ABCF3: variants seen among roughly 807,000 people sequenced by gnomAD.
The protein encoded by ABCF3 is ATP-binding cassette sub-family F member 3.
In ABCF3, 62 loss-of-function variants were observed where a neutral mutation model predicts 94.3. The observed-to-expected ratio is 0.66, with a 90% CI of 0.54 to 0.81. The LOEUF is 0.81. ABCF3 is among the 40% of genes least tolerant of loss of function. The pLI is 0.00. For synonymous variants in ABCF3, 355 were observed against 361.1 expected, an observed-to-expected ratio of 0.98 and a Z score of 0.19; for missense variants, 843 against 925.3, an observed-to-expected ratio of 0.91 and a Z score of 1.15.
chr3:184,192,324 A>G (rs1458020523), intron 16 of ABCF3, among the ~76,000 whole-genome samples: 1 of 152,154 alleles, frequency 6.6e-6, no homozygotes, highest in Non-Finnish European at 1.5e-5. Context: ...TGTACAGTCT[A>G]TCATTGTGAA....
rs1716193319 is a variant in ABCF3, at chr3:184,193,919, AC to A, written c.*224del. The A allele has an allele frequency of 3.4e-6, 2 of 583,214 alleles. No individual in the cohort carries two copies. The highest frequency in any genetic ancestry group is 3.8e-5 in the African/African-American group (2 of 53,332). 36.1% of individuals were successfully genotyped at this position (583,214 alleles called of 1,614,324 possible). A position where few individuals can be genotyped will look rare whatever the true frequency, so the allele number is the denominator to read the frequency against. On this transcript the variant is annotated 3_prime_UTR_variant, in exon 21 of 21. Coordinates refer to ENST00000429586, the MANE Select transcript of ABCF3 (RefSeq NM_018358.3). The surrounding 1 kb of genome is among the most constrained non-coding windows in gnomAD (Gnocchi z 5.2). ...TCCCGGGGGTGGGGGTCTGGGGGGT[AC>A]CCTCTGGGGTTATAGATTCCCCCAC...
Position 184,192,885 on chromosome 3 carries a change from G to A in ABCF3, c.1739G>A (p.Arg580His), listed in dbSNP as rs201135553. ...GTCAGTGCTGTGGAACTGCTGGCAC[G>A]CAAGTTTCCTGGTGAGTTAGGGATT... The part of the protein sequence containing the change: ...LNVSAVELLA[R>H]KFPGRPEEEY... The change falls in exon 18 of 21, where the codon CGC becomes CAC. Residue 580 changes from arginine (R) to histidine (H), a missense_variant. Transcript: ENST00000429586. 46 of 1,613,924 alleles carry A rather than the reference G, an allele frequency of 2.9e-5. No individual in the cohort carries two copies. Among genetic ancestry groups the A allele is most frequent in the Middle Eastern group, 3.3e-4 (2 of 6,036 alleles).
Position 184,193,738 on chromosome 3 carries a change from C to A in ABCF3, c.*40C>A. 2 of 1,534,444 alleles carry A rather than the reference C, an allele frequency of 1.3e-6. No individual in the cohort carries two copies. Among genetic ancestry groups the A allele is most frequent in the South Asian group, 2.5e-5 (2 of 80,626 alleles). On this transcript the variant is annotated 3_prime_UTR_variant, in exon 21 of 21. Transcript: ENST00000429586. This position sits in a 1 kb window ranked among gnomAD's most constrained non-coding sequence, Gnocchi z 5.2. The stretch of plus-strand genomic sequence containing the variant: ...GGACTCGCCCAGGACATGGACTGGT[C>A]TCTCAGACCCCTGGGCCACCATGTA...
rs1220406645 is a variant in ABCF3 at position 184,192,863 on chromosome 3, A to G, written c.1717A>G (p.Ser573Gly). The part of the protein sequence containing the change: ...HHVEQLDLNV[S>G]AVELLARKFP... Reference sequence around the variant, plus strand: ...TGTGGAGCAGCTGGACCTAAACGTCAGTGCTGTGGAACTGCTGGCACGCAA... The same window carrying G: ...TGTGGAGCAGCTGGACCTAAACGTCGGTGCTGTGGAACTGCTGGCACGCAA... The change falls in exon 18 of 21, where the codon AGT becomes GGT. Residue 573 changes from serine (S) to glycine (G), a missense_variant. Transcript: ENST00000429586. 2 of 1,614,184 alleles carry G rather than the reference A, an allele frequency of 1.2e-6. No homozygotes were observed. The highest frequency in any genetic ancestry group is 3.3e-5 in the Admixed American group (2 of 60,028).
intron 16 of ABCF3, among the ~76,000 whole-genome samples, chr3:184,192,036 G>A (rs1020083476): frequency 6.6e-6 from 1 of 152,052 alleles, no homozygotes; most frequent in Non-Finnish European, 1.5e-5. Context: ...CTGAGCCACC[G>A]TGCCCGGCTA....
chr3:184,190,987 C>T lies in ABCF3; in HGVS notation c.1392-12C>T, dbSNP rs1041045566. 5 of 1,613,928 alleles carry T rather than the reference C, an allele frequency of 3.1e-6. No individual in the cohort carries two copies. The African/African-American group carries it at 6.7e-5, about 22-fold the overall frequency. ...AAGTAATAAATCTAGTCTACCTCAT[C>T]TCTTCTCCCAGGCCTGAGCTGAAGC... On this transcript the variant is annotated splice_polypyrimidine_tract_variant and intron_variant, in intron 14 of 20. Transcript: ENST00000429586.
intron 1 of ABCF3, 63 bp from the exon 2 acceptor site, chr3:184,186,444 T>A (rs1709624): frequency 0.82 from 1,304,003 of 1,581,026 alleles, 539,829 homozygotes; most frequent in African/African-American, 0.97. Flanking sequence ...CTGTCTGGGG[T>A]CTGAAACTGC....
In ABCF3 at chr3:184,193,930, T is replaced by C. The variant is rs889511392; in HGVS notation, c.*232T>C. 7.5e-6 allele frequency: 4 copies of C among 530,524 alleles called. No individual in the cohort carries two copies. The highest frequency in any genetic ancestry group is 1.3e-5 in the Non-Finnish European group (4 of 306,230). 32.9% of individuals were successfully genotyped at this position (530,524 alleles called of 1,614,324 possible). On this transcript the variant is annotated 3_prime_UTR_variant, in exon 21 of 21. Coordinates refer to ENST00000429586, the MANE Select transcript of ABCF3 (RefSeq NM_018358.3). This position sits in a 1 kb window ranked among gnomAD's most constrained non-coding sequence, Gnocchi z 5.2. Reference sequence around the variant, plus strand: ...GGGGTCTGGGGGGTACCCTCTGGGGTTATAGATTCCCCCACTGCCCCAGCT... The same window carrying C: ...GGGGTCTGGGGGGTACCCTCTGGGGCTATAGATTCCCCCACTGCCCCAGCT...
chr3:184,193,130 G>T lies in ABCF3; in HGVS notation c.1779G>T (p.Gln593His). Residue 593 changes from glutamine (Q) to histidine (H), a missense_variant, in exon 19 of 21, where the codon CAG becomes CAT. Physicochemically the swap from Gln to His is conservative, Grantham distance 24 (BLOSUM62 0). Transcript: ENST00000429586. This position sits in a 1 kb window ranked among gnomAD's most constrained non-coding sequence, Gnocchi z 5.2. ...GGCCTGAGGAGGAGTACCGTCACCAGCTGGGTCGGTATGGCATCTCCGGAG... is the reference window on the plus strand; with the variant it reads ...GGCCTGAGGAGGAGTACCGTCACCATCTGGGTCGGTATGGCATCTCCGGAG... ...PGRPEEEYRH[Q>H]LGRYGISGEL... 1 of 1,550,692 alleles carries T rather than the reference G, an allele frequency of 6.4e-7. No homozygotes were observed. Among genetic ancestry groups the T allele is most frequent in the Admixed American group, 2.0e-5 (1 of 50,334 alleles).
rs1560138133 is a variant in ABCF3 at position 184,193,608 on chromosome 3, C to CGAAGGAGGCGGCGTCACCCGTGTG, written c.2049_2072dup (p.Gly684_Gly691dup). On this transcript the variant is annotated inframe_insertion, in exon 21 of 21. Coordinates refer to ENST00000429586, the MANE Select transcript of ABCF3 (RefSeq NM_018358.3). The surrounding 1 kb of genome is among the most constrained non-coding windows in gnomAD (Gnocchi z 5.2). ...TGGTGTGCCGGGAGTTGTGGGTATG[C>CGAAGGAGGCGGCGTCACCCGTGTG]GAAGGAGGCGGCGTCACCCGTGTGG... is the stretch of plus-strand genomic sequence containing the variant. 5 of 1,614,124 alleles carry CGAAGGAGGCGGCGTCACCCGTGTG rather than the reference C, an allele frequency of 3.1e-6. No individual in the cohort carries two copies.
chr3:184,189,880 A>G lies in ABCF3; in HGVS notation c.1340A>G (p.Asn447Ser), dbSNP rs760906160. ...IQVFIDRFRY[N>S]ANRASQVQSK... ...GTTTTCATTGACCGGTTTCGCTACA[A>G]TGCCAACAGGGCCTCTCAAGTGCAG... Residue 447 changes from asparagine to serine, a missense_variant, in exon 14 of 21, where the codon AAT (asparagine) becomes AGT (serine). Asn to Ser is a conservative substitution (Grantham distance 46). Coordinates refer to ENST00000429586, the MANE Select transcript of ABCF3 (RefSeq NM_018358.3). The G allele has an allele frequency of 3.1e-6, 5 of 1,614,232 alleles. No individual in the cohort carries two copies. Among genetic ancestry groups the G allele is most frequent in the African/African-American group, 2.7e-5 (2 of 75,062 alleles).
intron 15 of ABCF3, 21 bp downstream of exon 15, chr3:184,191,064 G>A (rs780102527): frequency 3.1e-6 from 5 of 1,614,124 alleles, no homozygotes. Context: ...GGCCAGTGGG[G>A]CTGGTGGGGA....
In ABCF3 at chr3:184,191,749, C is replaced by CTTTTTTTTT. The variant is rs375009324; in HGVS notation, c.1569+500_1569+508dup. Among the ~76,000 whole-genome samples the CTTTTTTTTT allele has an allele frequency of 7.8e-5, 9 of 114,714 alleles. 2 individuals carry two copies. Among genetic ancestry groups the CTTTTTTTTT allele is most frequent in the African/African-American group, 1.8e-4 (5 of 27,316 alleles). The allele number at this position is 114,714 out of a possible 152,430, so 75.3% of individuals were successfully genotyped here. A position where few individuals can be genotyped will look rare whatever the true frequency, so the allele number is the denominator to read the frequency against. ...GCATTTTTCTGTAGAGTTAGAGTTC[C>CTTTTTTTTT]TTTTTTTTTTTTTTCGGAGACAGAG... On this transcript the variant is annotated intron_variant, in intron 16 of 20. Transcript: ENST00000429586.
At chr3:184,190,192 A>G (rs552287110) in intron 14 of ABCF3, 2 of 547,186 alleles carry the variant, frequency 3.7e-6, no homozygotes, top group Admixed American at 6.3e-5. Flanking sequence ...ATGGAATCAT[A>G]CAATATGACC....
At chr3:184,187,247 T>G in intron 3 of ABCF3, 150 bp from the exon 4 acceptor site, 1 of 865,178 alleles carries the variant, frequency 1.2e-6, no homozygotes, top group Non-Finnish European at 1.9e-6. Flanking sequence ...TGTTTTGTTT[T>G]TAGTGCAGGG....
chr3:184,192,350 A>T (rs1265108316), intron 16 of ABCF3, among the ~76,000 whole-genome samples: 1 of 152,136 alleles, frequency 6.6e-6, no homozygotes, highest in South Asian at 2.1e-4. Flanking sequence ...GCGTCCCTGC[A>T]GTGCTGTAGA....
Position 184,190,241 on chromosome 3 carries a change from G to T in ABCF3, c.1391+310G>T, listed in dbSNP as rs1227928215. On this transcript the variant is annotated intron_variant, in intron 14 of 20. Transcript: ENST00000429586. ...TCTTTTACCTGGCGTCATGTGTGAG[G>T]CTCATCCATATTGTAGCGTGCGTCA... 3.1e-5 allele frequency: 14 copies of T among 446,588 alleles called. No homozygotes were observed. The East Asian group carries it at 3.9e-4, about 13-fold the overall frequency. The allele number at this position is 446,588 out of a possible 1,614,324, so 27.7% of individuals were successfully genotyped here. A position where few individuals can be genotyped will look rare whatever the true frequency, so the allele number is the denominator to read the frequency against.
intron 1 of ABCF3, 87 bp downstream of exon 1, chr3:184,186,367 C>T (rs190428277): frequency 1.9e-6 from 3 of 1,595,318 alleles, no homozygotes; most frequent in Middle Eastern, 1.7e-4. Flanking sequence ...GGACTGTTGC[C>T]AGGCCTCTCC....
chr3:184,191,749 C>CTTTTTTTTTTTTTTTTTT lies in ABCF3; in HGVS notation c.1569+508_1569+509insTTTTTTTTTTTTTTTTTT, dbSNP rs375009324. On this transcript the variant is annotated intron_variant, in intron 16 of 20. Coordinates refer to ENST00000429586, the MANE Select transcript of ABCF3 (RefSeq NM_018358.3). ...GCATTTTTCTGTAGAGTTAGAGTTC[C>CTTTTTTTTTTTTTTTTTT]TTTTTTTTTTTTTTCGGAGACAGAG... Among the ~76,000 whole-genome samples, 848 of 114,556 alleles carry CTTTTTTTTTTTTTTTTTT rather than the reference C, an allele frequency of 7.4e-3. 120 individuals carry two copies. The highest frequency in any genetic ancestry group is 9.9e-3 in the African/African-American group (270 of 27,270). 75.2% of individuals were successfully genotyped at this position (114,556 alleles called of 152,430 possible).
Sources: gnomAD v4.1 joint callset for allele counts (sites outside exome capture counted in the v4.1 genomes callset) on GRCh38, gnomAD v4.1.1 for gene constraint, Gnocchi (gnomAD v3.1) non-coding constraint, MANE v1.5 for transcripts, NCBI Gene and HGNC (gene_info 2026-07-23, HGNC 2026-07-21) for gene names.